ATP5F1A: variants seen among roughly 807,000 people sequenced by gnomAD.
ATP5F1A encodes the protein ATP synthase F(1) complex subunit alpha, mitochondrial.
ATP5F1A carries 24 observed loss-of-function variants against 57.4 expected under a neutral mutation model. The ratio of observed to expected loss-of-function variants is 0.42; its 90% CI spans 0.30 to 0.59. The LOEUF (loss-of-function observed/expected upper bound fraction) is 0.59, where lower values mean the gene tolerates loss of function less well. ATP5F1A is among the 20% of genes least tolerant of loss of function. ATP5F1A has a pLI of 0.19. For missense variants in ATP5F1A, 494 were observed against 707.9 expected (o/e 0.70, Z 3.43); for synonymous variants, 251 against 255.5 (o/e 0.98, Z 0.17).
upstream of ATP5F1A, chr18:46,098,501 T>G: frequency 9.0e-7 from 1 of 1,107,226 alleles, no homozygotes; most frequent in Non-Finnish European, 1.2e-6. Context: ...CGTTATACAT[T>G]TATTTTGGTC....
intron 2 of ATP5F1A, 150 bp downstream of exon 2, chr18:46,094,903 A>C (rs1599787240): frequency 8.3e-7 from 1 of 1,200,122 alleles, no homozygotes; most frequent in East Asian, 2.8e-5. Context: ...GACAGGGCTA[A>C]ATGGTAACAA....
In ATP5F1A at chr18:46,087,479, G is replaced by GTAC. The variant is rs919786335; in HGVS notation, c.810_812dup (p.Lys270_Tyr271insTer). 1 of 1,613,060 alleles carries GTAC rather than the reference G, an allele frequency of 6.2e-7. No homozygotes were observed. Among genetic ancestry groups the GTAC allele is most frequent in the African/African-American group, 1.3e-5 (1 of 74,850 alleles). ...AGGCCGTAGCCGACACCACAATGGT[G>GTAC]TACTTCATGGCATCTGAGAAAATAT... On this transcript the variant is annotated stop_gained, in exon 7 of 12. Coordinates refer to ENST00000398752, the MANE Select transcript of ATP5F1A (RefSeq NM_004046.6). LOFTEE classifies it high-confidence loss of function.
chr18:46,095,237 G>A, intron 1 of ATP5F1A, 106 bp from the exon 2 acceptor site: 1 of 1,011,910 alleles, frequency 9.9e-7, no homozygotes, highest in Non-Finnish European at 1.4e-6. Context: ...TGGTGAAAAT[G>A]CTAATTACAT....
chr18:46,084,156 T>C lies in ATP5F1A; in HGVS notation c.*126A>G, dbSNP rs1196327526. The C allele has an allele frequency of 2.6e-6, 2 of 762,558 alleles. No homozygotes were observed. Among genetic ancestry groups the C allele is most frequent in the Non-Finnish European group, 4.0e-6 (2 of 493,994 alleles). 47.2% of individuals were successfully genotyped at this position (762,558 alleles called of 1,614,324 possible). A position where few individuals can be genotyped will look rare whatever the true frequency, so the allele number is the denominator to read the frequency against. ...AATGACAGAAAACAACTATGCATTATGGAACCTTTATTTTTCATGTGATTT... is the reference window on the plus strand; with the variant it reads ...AATGACAGAAAACAACTATGCATTACGGAACCTTTATTTTTCATGTGATTT... On this transcript the variant is annotated 3_prime_UTR_variant, in exon 12 of 12. Coordinates refer to ENST00000398752, the MANE Select transcript of ATP5F1A (RefSeq NM_004046.6).
chr18:46,098,070 C>A (rs1312612329), intron 1 of ATP5F1A, 102 bp downstream of exon 1: 1 of 1,447,404 alleles, frequency 6.9e-7, no homozygotes, highest in South Asian at 1.4e-5. Context: ...TGGCGGCATT[C>A]GCCACAGCCC....
At position 46,082,342 on chromosome 18, in the gene ATP5F1A, A is replaced by T. The variant is rs902840913; in HGVS notation, c.*1940T>A. ...GGGGCAGAGCTTGCAGTGAGCCGAC[A>T]TCGCACCACTGCACTCCAGCCTGGG... On this transcript the variant is annotated 3_prime_UTR_variant, in exon 12 of 12. Coordinates refer to ENST00000398752, the MANE Select transcript of ATP5F1A (RefSeq NM_004046.6). 6.7e-6 allele frequency: 1 copy of T among 149,122 alleles called. No homozygotes were observed. The highest frequency in any genetic ancestry group is 2.5e-5 in the African/African-American group (1 of 40,208). The allele number at this position is 149,122 out of a possible 1,614,324, so 9.2% of individuals were successfully genotyped here.
intron 8 of ATP5F1A, 109 bp downstream of exon 8, chr18:46,086,899 A>G: frequency 2.4e-6 from 3 of 1,244,792 alleles, no homozygotes; most frequent in South Asian, 1.6e-5. Flanking sequence ...TTTCCATAAT[A>G]AAAAGTAAAA....
upstream of ATP5F1A, chr18:46,098,450 A>C: frequency 7.7e-7 from 1 of 1,304,088 alleles, no homozygotes; most frequent in Middle Eastern, 2.9e-4. Flanking sequence ...TTAAACCTCA[A>C]AATGAATGAT....
intron 10 of ATP5F1A, 99 bp downstream of exon 10, chr18:46,086,014 C>T (rs761105776): frequency 2.3e-6 from 3 of 1,283,250 alleles, no homozygotes; most frequent in Non-Finnish European, 2.1e-6. Flanking sequence ...CAGATAACAA[C>T]ACGTAGTACA....
chr18:46,084,246 A>C lies in ATP5F1A; in HGVS notation c.*36T>G. 6.4e-7 allele frequency: 1 copy of C among 1,573,682 alleles called. No individual in the cohort carries two copies. Among genetic ancestry groups the C allele is most frequent in the Non-Finnish European group, 8.7e-7 (1 of 1,150,640 alleles). On this transcript the variant is annotated 3_prime_UTR_variant, in exon 12 of 12. Coordinates refer to ENST00000398752, the MANE Select transcript of ATP5F1A (RefSeq NM_004046.6). The stretch of plus-strand genomic sequence containing the variant: ...GAACTAATTTACTAGAACAATGACA[A>C]AACTGAACTGGTATTTGATGTGAAT...
rs1219231278 is a variant in ATP5F1A, at chr18:46,094,898, G to C, written c.139+155C>G. 3.4e-6 allele frequency: 4 copies of C among 1,163,580 alleles called. No homozygotes were observed. In the South Asian group the frequency reaches 1.1e-4, roughly 33 times the overall value. The allele number at this position is 1,163,580 out of a possible 1,614,324, so 72.1% of individuals were successfully genotyped here. A position where few individuals can be genotyped will look rare whatever the true frequency, so the allele number is the denominator to read the frequency against. ...GACTATAACAAGAGAACCATGACAG[G>C]GCTAAATGGTAACAATATGGTTTAA... is the stretch of plus-strand genomic sequence containing the variant. On this transcript the variant is annotated intron_variant, in intron 2 of 11. Coordinates refer to ENST00000398752, the MANE Select transcript of ATP5F1A (RefSeq NM_004046.6).
intron 10 of ATP5F1A, 119 bp downstream of exon 10, chr18:46,085,994 T>C: frequency 8.8e-7 from 1 of 1,138,258 alleles, no homozygotes; most frequent in East Asian, 2.6e-5. Context: ...GTGCCTTTGA[T>C]GAAAGATAAC....
upstream of ATP5F1A, among the ~76,000 whole-genome samples, chr18:46,100,622 A>T (rs556309754): frequency 7.9e-5 from 12 of 152,228 alleles, no homozygotes; most frequent in African/African-American, 2.6e-4. Flanking sequence ...AACAAACAAC[A>T]AAAAAAGAGA....
chr18:46,085,034 C>CT (rs1397383323), intron 10 of ATP5F1A: 1 of 158,714 alleles, frequency 6.3e-6, no homozygotes, highest in African/African-American at 2.4e-5. Flanking sequence ...GGAGGGGACT[C>CT]TAACAGGCCT....
At chr18:46,091,334 A>G (rs1723241651) in intron 3 of ATP5F1A, among the ~76,000 whole-genome samples, 1 of 152,248 alleles carries the variant, frequency 6.6e-6, no homozygotes, top group East Asian at 1.9e-4. Context: ...AATTTCCACC[A>G]GAAAAATTTT....
intron 9 of ATP5F1A, 41 bp from the exon 10 acceptor site, chr18:46,086,298 G>A (rs775254689): frequency 1.9e-6 from 3 of 1,612,636 alleles, no homozygotes; most frequent in African/African-American, 2.7e-5. Flanking sequence ...CAGTGACACA[G>A]AGCACTATAC....
upstream of ATP5F1A, among the ~76,000 whole-genome samples, chr18:46,100,251 T>TAA (rs34683117): frequency 5.1e-3 from 353 of 68,602 alleles, 4 homozygotes; most frequent in Middle Eastern, 0.013. Context: ...AAACTCCATC[T>TAA]AAAAAAAAAA....
intron 7 of ATP5F1A, 54 bp from the exon 8 acceptor site, chr18:46,087,286 G>A (rs1910174480): frequency 2.5e-6 from 4 of 1,611,554 alleles, no homozygotes; most frequent in African/African-American, 2.7e-5. Context: ...AGTTGCATAT[G>A]TGAACTTTTA....
chr18:46,090,530 C>G lies in ATP5F1A; in HGVS notation c.310-534G>C, dbSNP rs1015279130. On this transcript the variant is annotated intron_variant, in intron 3 of 11. Transcript: ENST00000398752. ...ACAAATTTTCATAACATAACAGCAC[C>G]AAATCATCTCTCATCATTAAAACTA... 5.9e-5 allele frequency among the ~76,000 whole-genome samples: 9 copies of G among 152,092 alleles called. No individual in the cohort carries two copies. In the South Asian group the frequency reaches 1.4e-3, roughly 25 times the overall value.
Sources: gnomAD v4.1 joint callset for allele counts (sites outside exome capture counted in the v4.1 genomes callset) on GRCh38, gnomAD v4.1.1 for gene constraint, MANE v1.5 for transcripts, NCBI Gene and HGNC (gene_info 2026-07-23, HGNC 2026-07-21) for gene names.